The following GPR158 variants were observed in gnomAD, a reference collection of about 807,000 sequenced individuals.
GPR158 encodes the protein metabotropic glycine receptor.
In GPR158, 30 loss-of-function variants were observed where a neutral mutation model predicts 78.2. The observed-to-expected ratio is 0.38, with a 90% CI of 0.29 to 0.52. GPR158 has a LOEUF of 0.52. Ranked by LOEUF, GPR158 falls within the 20% of genes least tolerant of loss-of-function variation. The probability of loss-of-function intolerance (pLI) is 0.83; values close to 1 mark genes in which losing one functional copy is unlikely to be tolerated. For synonymous variants in GPR158, 581 were observed against 591.1 expected (o/e 0.98, Z 0.25); for missense variants, 1,463 against 1,523.5 (o/e 0.96, Z 0.66).
rs966058309 is a variant in GPR158 at position 25,356,965 on chromosome 10, C to T, written c.1009-38946C>T. ...CTAGAGACTTGTTGATTGGCTTTGA[C>T]CAAAATGCTAATAATGATATGAACA... On this transcript the variant is annotated intron_variant, in intron 2 of 10. Transcript: ENST00000376351. 7.2e-5 allele frequency among the ~76,000 whole-genome samples: 11 copies of T among 152,100 alleles called. No individual in the cohort carries two copies. In the South Asian group the frequency reaches 1.5e-3, roughly 20 times the overall value.
At chr10:25,469,839 C>G (rs867985587) in intron 5 of GPR158, among the ~76,000 whole-genome samples, 1 of 150,734 alleles carries the variant, frequency 6.6e-6, no homozygotes, top group African/African-American at 2.4e-5. Context: ...GAGCCCCCCC[C>G]AACATTCACT....
rs1040994052 is a variant in GPR158, at chr10:25,534,482, C to CA, written c.1405-16488dup. 2.7e-5 allele frequency among the ~76,000 whole-genome samples: 4 copies of CA among 147,118 alleles called. No individual in the cohort carries two copies. The South Asian group carries it at 6.4e-4, about 24-fold the overall frequency. On this transcript the variant is annotated intron_variant, in intron 5 of 10. Coordinates refer to ENST00000376351, the MANE Select transcript of GPR158 (RefSeq NM_020752.3). ...TAAAACCCCGTCTGTACTAAAAATG[C>CA]AAAAAACAAAACAAAACAAAACAAA...
chr10:25,395,185 C>G (rs1032622576), intron 2 of GPR158, among the ~76,000 whole-genome samples: 2 of 152,066 alleles, frequency 1.3e-5, no homozygotes, highest in African/African-American at 4.8e-5. Context: ...AGGTTATATC[C>G]TTGACCCTTG....
chr10:25,285,150 T>A (rs1854332789), intron 2 of GPR158, among the ~76,000 whole-genome samples: 1 of 152,044 alleles, frequency 6.6e-6, no homozygotes, highest in African/African-American at 2.4e-5. Context: ...CCTGAAGAAC[T>A]CTTTTAATAT....
At chr10:25,571,200 A>G (rs1837003042) in intron 6 of GPR158, among the ~76,000 whole-genome samples, 1 of 152,198 alleles carries the variant, frequency 6.6e-6, no homozygotes, top group African/African-American at 2.4e-5. Flanking sequence ...AACTGATGAG[A>G]TGGAGCGTGG....
At chr10:25,498,036 A>C (rs373657126) in intron 5 of GPR158, among the ~76,000 whole-genome samples, 2 of 152,264 alleles carry the variant, frequency 1.3e-5, no homozygotes, top group South Asian at 2.1e-4. Flanking sequence ...AAGGAAAGAA[A>C]GTATGAGGAG....
At chr10:25,504,973 G>C (rs913785911) in intron 5 of GPR158, among the ~76,000 whole-genome samples, 2 of 152,144 alleles carry the variant, frequency 1.3e-5, no homozygotes, top group Non-Finnish European at 2.9e-5. Flanking sequence ...GCACCTACTA[G>C]CTGTGCAGTC....
At chr10:25,268,918 GTT>G (rs1043479441) in intron 2 of GPR158, among the ~76,000 whole-genome samples, 1 of 152,126 alleles carries the variant, frequency 6.6e-6, no homozygotes, top group South Asian at 2.1e-4. Flanking sequence ...TTGTTATTTA[GTT>G]TTTTATGTTC....
rs933465609 is a variant in GPR158, at chr10:25,291,957, C to G, written c.1008+70800C>G. Among the ~76,000 whole-genome samples the G allele has an allele frequency of 6.6e-5, 10 of 152,042 alleles. 1 individual carries two copies. The highest frequency in any genetic ancestry group is 1.2e-4 in the Non-Finnish European group (8 of 67,920). ...TTAGGAAATGAAGAATTCTCAAATACTGGGGAAACTTACTGTAGTCACGGG... is the reference window on the plus strand; with the variant it reads ...TTAGGAAATGAAGAATTCTCAAATAGTGGGGAAACTTACTGTAGTCACGGG... On this transcript the variant is annotated intron_variant, in intron 2 of 10. Coordinates refer to ENST00000376351, the MANE Select transcript of GPR158 (RefSeq NM_020752.3).
chr10:25,373,324 A>G (rs1588832415), intron 2 of GPR158, among the ~76,000 whole-genome samples: 1 of 152,076 alleles, frequency 6.6e-6, no homozygotes. Context: ...ATCAGAGAAA[A>G]AAAAACTGTT....
At chr10:25,287,529 G>A (rs372608255) in intron 2 of GPR158, among the ~76,000 whole-genome samples, 4 of 152,236 alleles carry the variant, frequency 2.6e-5, no homozygotes, top group Admixed American at 6.5e-5. Flanking sequence ...GAGCATGCAG[G>A]TGGTGTGAAT....
chr10:25,359,665 G>A (rs1022501604), intron 2 of GPR158, among the ~76,000 whole-genome samples: 2 of 152,090 alleles, frequency 1.3e-5, no homozygotes, highest in Admixed American at 6.6e-5. Flanking sequence ...TCATTGATGG[G>A]CATTTTGGTT....
intron 7 of GPR158, among the ~76,000 whole-genome samples, chr10:25,586,390 A>ATTTTT (rs1564498202): frequency 7.6e-6 from 1 of 130,942 alleles, no homozygotes; most frequent in Admixed American, 7.9e-5. Context: ...GGTATGTGTG[A>ATTTTT]ATTTTTTTTT....
chr10:25,394,278 A>G (rs752322772), intron 2 of GPR158, among the ~76,000 whole-genome samples: 3 of 152,236 alleles, frequency 2.0e-5, no homozygotes, highest in African/African-American at 7.2e-5. Context: ...AAAGACAGTA[A>G]GGCTCAGAGA....
At chr10:25,199,259 A>G (rs1852888050) in intron 1 of GPR158, among the ~76,000 whole-genome samples, 1 of 151,858 alleles carries the variant, frequency 6.6e-6, no homozygotes, top group South Asian at 2.1e-4. Context: ...TTATTTTGTT[A>G]CCCAAGTAAT....
chr10:25,355,093 C>T (rs1244593043), intron 2 of GPR158, among the ~76,000 whole-genome samples: 1 of 151,836 alleles, frequency 6.6e-6, no homozygotes, highest in Non-Finnish European at 1.5e-5. Flanking sequence ...GATATTAATC[C>T]CTTTCCCAAG....
intron 2 of GPR158, among the ~76,000 whole-genome samples, chr10:25,311,776 G>A (rs946328953): frequency 6.6e-6 from 1 of 151,890 alleles, no homozygotes; most frequent in Non-Finnish European, 1.5e-5. Context: ...TATTCCAAAT[G>A]TTCATTAATT....
At chr10:25,581,418 C>T (rs997842196) in intron 7 of GPR158, among the ~76,000 whole-genome samples, 1 of 152,174 alleles carries the variant, frequency 6.6e-6, no homozygotes, top group African/African-American at 2.4e-5. Context: ...ATTGTCTTGG[C>T]TTAGGGCTAC....
At chr10:25,472,215 A>G (rs550574482) in intron 5 of GPR158, among the ~76,000 whole-genome samples, 1,779 of 152,210 alleles carry the variant, frequency 0.012, 36 homozygotes, top group African/African-American at 0.041. Context: ...TTTATTAAAT[A>G]GGGAATCCTT....
Sources: gnomAD v4.1 joint callset for allele counts (sites outside exome capture counted in the v4.1 genomes callset) on GRCh38, gnomAD v4.1.1 for gene constraint, MANE v1.5 for transcripts, NCBI Gene and HGNC (gene_info 2026-07-23, HGNC 2026-07-21) for gene names.